Variants in ZNF682 observed in about 807,000 individuals in gnomAD.
ZNF682 encodes zinc finger protein 682.
In ZNF682, 29 loss-of-function variants were observed where a neutral mutation model predicts 36.5. The ratio of observed to expected loss-of-function variants is 0.80; its 90% confidence interval spans 0.59 to 1.08. The LOEUF (loss-of-function observed/expected upper bound fraction) is 1.08. Ranked by LOEUF, ZNF682 falls within the 50% of genes least tolerant of loss-of-function variation. ZNF682 has a pLI of 0.00. For synonymous variants in ZNF682, 180 were observed against 197.0 expected (o/e 0.91, Z 0.72); for missense variants, 561 against 579.7 (o/e 0.97, Z 0.33).
At chr19:19,998,078 G>A (rs1185610399) in intron 3 of ZNF682, among the ~76,000 whole-genome samples, 2 of 152,184 alleles carry the variant, frequency 1.3e-5, no homozygotes, top group East Asian at 3.8e-4. Context: ...CTACCCTGGT[G>A]GACCCAACAT....
intron 1 of ZNF682, among the ~76,000 whole-genome samples, chr19:20,035,514 G>A (rs1162554633): frequency 6.6e-6 from 1 of 151,932 alleles, no homozygotes; most frequent in Admixed American, 6.6e-5. Context: ...GTGAGCCACC[G>A]CACCTGGCCT....
intron 3 of ZNF682, chr19:20,015,674 T>C (rs1359329953): frequency 2.6e-6 from 1 of 387,648 alleles, no homozygotes; most frequent in African/African-American, 2.1e-5. Context: ...CATTTTTGAA[T>C]CAAGAGCATA....
At chr19:20,015,349 G>C in intron 3 of ZNF682, 1 of 985,146 alleles carries the variant, frequency 1.0e-6, no homozygotes, top group African/African-American at 1.7e-5. Context: ...AACCTATTCA[G>C]TCAAACACAG....
chr19:19,998,964 C>A (rs751933518), intron 3 of ZNF682, among the ~76,000 whole-genome samples: 22 of 151,992 alleles, frequency 1.4e-4, no homozygotes, highest in Non-Finnish European at 2.5e-4. Context: ...AAAATTCTAA[C>A]CCTCAGAGTA....
intron 3 of ZNF682, among the ~76,000 whole-genome samples, chr19:20,012,912 G>T (rs2088303179): frequency 6.6e-6 from 1 of 151,604 alleles, no homozygotes; most frequent in Non-Finnish European, 1.5e-5. Flanking sequence ...GGGAGAAAAA[G>T]AAGGACAAAC....
In ZNF682 at chr19:20,006,911, T is replaced by C; in HGVS notation, c.591A>G (p.Glu197=). Residue 197 remains glutamate, a synonymous_variant, in exon 4 of 4, where the codon GAA becomes GAG. Coordinates refer to ENST00000397165, the MANE Select transcript of ZNF682 (RefSeq NM_033196.3). ...ATTCCTCACATATGCAGAGTTTCTC[T>C]TCAGTGTGAATTATCTTATGATAAG... ...GLSYHKIIHT[E]EKLCICEECG... 6.2e-7 allele frequency: 1 copy of C among 1,613,984 alleles called. No individual in the cohort carries two copies. The highest frequency in any genetic ancestry group is 8.5e-7 in the Non-Finnish European group (1 of 1,179,906).
rs2088208607 is a variant in ZNF682 at position 20,005,751 on chromosome 19, C to T, written c.*254G>A. 2.2e-6 allele frequency: 1 copy of T among 464,612 alleles called. No homozygotes were observed. Among genetic ancestry groups the T allele is most frequent in the Non-Finnish European group, 3.8e-6 (1 of 263,508 alleles). 28.8% of individuals were successfully genotyped at this position (464,612 alleles called of 1,614,324 possible). A position where few individuals can be genotyped will look rare whatever the true frequency, so the allele number is the denominator to read the frequency against. On this transcript the variant is annotated 3_prime_UTR_variant, in exon 4 of 4. Coordinates refer to ENST00000397165, the MANE Select transcript of ZNF682 (RefSeq NM_033196.3). ...ACACTTACATTGCTTTTATCTAGCA[C>T]AAAACCTCTGATGAGTAAGTTCATA...
In ZNF682 at chr19:19,997,429, C is replaced by T. The variant is rs11879459; in HGVS notation, c.227-166G>A. On this transcript the variant is annotated intron_variant, in intron 3 of 3. Coordinates refer to the ZNF682 transcript ENST00000596019. ...TTTGTTCTTCATTGGTGAACCAAGA[C>T]TCTTTGCTCTGAGACTGCAAAAATG... 1.1e-3 allele frequency among the ~76,000 whole-genome samples: 167 copies of T among 152,318 alleles called. 1 individual carries two copies. The highest frequency in any genetic ancestry group is 3.9e-3 in the African/African-American group (163 of 41,564).
rs553736904 is a variant in ZNF682 at position 20,013,822 on chromosome 19, C to T, written c.227-6547G>A. Among the ~76,000 whole-genome samples, 20 of 152,290 alleles carry T rather than the reference C, an allele frequency of 1.3e-4. 1 individual carries two copies. In the South Asian group the frequency reaches 3.5e-3, roughly 27 times the overall value. ...CTCAAACTCCCGACTTCAGGTGATCCGCCTGCATCGGCCTCCCAAAGTGCT... is the reference window on the plus strand; with the variant it reads ...CTCAAACTCCCGACTTCAGGTGATCTGCCTGCATCGGCCTCCCAAAGTGCT... On this transcript the variant is annotated intron_variant, in intron 3 of 3. Coordinates refer to ENST00000397165, the MANE Select transcript of ZNF682 (RefSeq NM_033196.3).
At chr19:20,002,827 T>A (rs967156764), downstream of ZNF682, among the ~76,000 whole-genome samples, 4 of 152,088 alleles carry the variant, frequency 2.6e-5, no homozygotes, top group Non-Finnish European at 4.4e-5. Flanking sequence ...ACTGATGACA[T>A]CTCCCTAGTG....
chr19:20,038,211 G>C (rs1375796985), intron 1 of ZNF682, among the ~76,000 whole-genome samples: 1 of 151,858 alleles, frequency 6.6e-6, no homozygotes, highest in Non-Finnish European at 1.5e-5. Flanking sequence ...TTTGTTTTTT[G>C]GTCTTTTTTT....
intron 1 of ZNF682, among the ~76,000 whole-genome samples, chr19:20,027,871 G>A (rs1176400049): frequency 4.6e-5 from 7 of 151,656 alleles, no homozygotes; most frequent in South Asian, 2.1e-4. Flanking sequence ...CCAAGATCGC[G>A]CCACTGCACT....
At position 20,023,090 on chromosome 19, in the gene ZNF682, A is replaced by T. The variant is rs1252601447; in HGVS notation, c.140T>A (p.Val47Asp). The T allele has an allele frequency of 1.9e-6, 3 of 1,613,650 alleles. No individual in the cohort carries two copies. The East Asian group carries it at 6.7e-5, about 36-fold the overall frequency. Residue 47 changes from valine to aspartate, a missense_variant, in exon 3 of 4, where the codon GTT (valine) becomes GAT (aspartate). By Grantham distance (152) the Val-to-Asp change is radical. Transcript: ENST00000397165. The part of the protein sequence containing the change: ...YRNLVSLGLT[V>D]SKPELISRLE... Reference sequence around the variant, plus strand: ...ACGGCTAATCAGTTCTGGCTTAGAAACAGTAAGACCTGTTTTATTAGAAAA... The same window carrying T: ...ACGGCTAATCAGTTCTGGCTTAGAATCAGTAAGACCTGTTTTATTAGAAAA...
chr19:20,029,523 C>T lies in ZNF682; in HGVS notation c.4-5147G>A, dbSNP rs887262044. On this transcript the variant is annotated intron_variant, in intron 1 of 3. Transcript: ENST00000397165. Reference sequence around the variant, plus strand: ...GGCTGAGGTGGGAGAACTGCTTGAACTTGGGAGGCAGAGGTTGCAGCGAGC... The same window carrying T: ...GGCTGAGGTGGGAGAACTGCTTGAATTTGGGAGGCAGAGGTTGCAGCGAGC... 3.3e-5 allele frequency among the ~76,000 whole-genome samples: 5 copies of T among 150,096 alleles called. No homozygotes were observed. The East Asian group carries it at 9.9e-4, about 30-fold the overall frequency.
chr19:20,022,483 C>T (rs951504382), intron 3 of ZNF682, among the ~76,000 whole-genome samples: 11 of 151,924 alleles, frequency 7.2e-5, no homozygotes, highest in African/African-American at 2.4e-4. Context: ...GCCTCAACAA[C>T]TTGGAGAAAC....
At chr19:20,036,613 A>C (rs2088531586) in intron 1 of ZNF682, among the ~76,000 whole-genome samples, 1 of 149,460 alleles carries the variant, frequency 6.7e-6, no homozygotes, top group African/African-American at 2.4e-5. Flanking sequence ...TCTCAAAAAA[A>C]AAAAAAAAAA....
intron 3 of ZNF682, among the ~76,000 whole-genome samples, chr19:20,009,020 G>T (rs142976707): frequency 5.9e-4 from 90 of 152,054 alleles, no homozygotes; most frequent in Middle Eastern, 3.4e-3. Context: ...AGGAAAAAAA[G>T]AAATAAAAAA....
At position 20,006,031 on chromosome 19, in the gene ZNF682, T is replaced by G. The variant is rs1038383571; in HGVS notation, c.1471A>C (p.Asn491His). 6 of 1,604,966 alleles carry G rather than the reference T, an allele frequency of 3.7e-6. No individual in the cohort carries two copies. The African/African-American group carries it at 6.7e-5, about 18-fold the overall frequency. The change falls in exon 4 of 4, where the codon AAT becomes CAT. Residue 491 changes from asparagine (N) to histidine (H), a missense_variant. Physicochemically the swap from Asn to His is moderately conservative, Grantham distance 68 (BLOSUM62 1). Coordinates refer to ENST00000397165, the MANE Select transcript of ZNF682 (RefSeq NM_033196.3). ...TACGTAGTAAGGTTTGAGCAGTGAT[T>G]AAAAGCTTCCCCACATTTTTTATAC... ...CKYKKCGEAFNHCSNLTT is the reference protein window; with the variant it reads ...CKYKKCGEAFHHCSNLTT
chr19:20,002,803 CAA>C (rs1248798256), downstream of ZNF682, among the ~76,000 whole-genome samples: 2 of 152,090 alleles, frequency 1.3e-5, no homozygotes, highest in African/African-American at 2.4e-5. Context: ...AAAAAAGAAA[CAA>C]ACACTACCAT....
Sources: allele counts gnomAD v4.1 joint callset (sites outside exome capture counted in the v4.1 genomes callset), GRCh38; gene constraint gnomAD v4.1.1; transcripts MANE v1.5; gene names NCBI Gene and HGNC (gene_info 2026-07-23, HGNC 2026-07-21).